Variants in ARHGAP15 observed in about 807,000 individuals in gnomAD.
The protein encoded by ARHGAP15 is Rho GTPase activating protein 15.
In ARHGAP15, 51 loss-of-function variants were observed where a neutral mutation model predicts 63.7. That is an observed-to-expected ratio of 0.80 (90% CI 0.64 to 1.01). The LOEUF is 1.01. Among genes scored for constraint, ARHGAP15 ranks in the 50% least tolerant of loss-of-function variants. The probability of loss-of-function intolerance (pLI) is 0.00; values close to 1 mark genes in which losing one functional copy is unlikely to be tolerated. For missense variants in ARHGAP15, 560 were observed against 564.6 expected (o/e 0.99, Z 0.08); for synonymous variants, 191 against 193.8 (o/e 0.99, Z 0.12).
chr2:143,752,147 TG>T (rs954481802), intron 13 of ARHGAP15, among the ~76,000 whole-genome samples: 33 of 152,158 alleles, frequency 2.2e-4, no homozygotes, highest in African/African-American at 7.5e-4. Context: ...TGCATCTACC[TG>T]GCTTCTAGTA....
chr2:143,457,417 G>A (rs1690712220), intron 8 of ARHGAP15, among the ~76,000 whole-genome samples: 1 of 151,926 alleles, frequency 6.6e-6, no homozygotes, highest in African/African-American at 2.4e-5. Context: ...ATGGTAGCAT[G>A]CACCTGTAGT....
chr2:143,246,555 A>C (rs1302715821), intron 5 of ARHGAP15, among the ~76,000 whole-genome samples: 1 of 151,988 alleles, frequency 6.6e-6, no homozygotes, highest in African/African-American at 2.4e-5. Flanking sequence ...GAAGGTAGAC[A>C]TTATTTGTAA....
chr2:143,545,086 T>A (rs1305330368), intron 10 of ARHGAP15, among the ~76,000 whole-genome samples: 2 of 152,210 alleles, frequency 1.3e-5, no homozygotes, highest in African/African-American at 4.8e-5. Flanking sequence ...GTGATCTAAA[T>A]AGGACTTTGC....
chr2:143,264,111 A>G (rs1010641297), intron 6 of ARHGAP15, among the ~76,000 whole-genome samples: 3 of 151,670 alleles, frequency 2.0e-5, no homozygotes, highest in Admixed American at 6.6e-5. Flanking sequence ...CCATCTGTTC[A>G]TGGAACTTTC....
At chr2:143,612,808 TG>T (rs1473595097) in intron 11 of ARHGAP15, among the ~76,000 whole-genome samples, 1 of 152,228 alleles carries the variant, frequency 6.6e-6, no homozygotes, top group Non-Finnish European at 1.5e-5. Context: ...ACAAGTTCCT[TG>T]ATCTCTGGAG....
chr2:143,440,509 G>A lies in ARHGAP15; in HGVS notation c.703+3467G>A, dbSNP rs566869676. Among the ~76,000 whole-genome samples, 16 of 152,240 alleles carry A rather than the reference G, an allele frequency of 1.1e-4. No homozygotes were observed. The East Asian group carries it at 2.7e-3, about 26-fold the overall frequency. ...GCCGCCAAGATTGTAGACAGATAAA[G>A]CCAGAATTACTTTTTTAAAAGGCAT... is the stretch of plus-strand genomic sequence containing the variant. On this transcript the variant is annotated intron_variant, in intron 8 of 13. Coordinates refer to ENST00000295095, the MANE Select transcript of ARHGAP15 (RefSeq NM_018460.4).
chr2:143,627,020 T>C (rs1698861308), intron 12 of ARHGAP15, among the ~76,000 whole-genome samples: 1 of 152,166 alleles, frequency 6.6e-6, no homozygotes, highest in African/African-American at 2.4e-5. Context: ...CTGTATCTTC[T>C]TCCACCATGT....
chr2:143,351,292 A>G (rs1685559772), intron 6 of ARHGAP15: 1 of 152,198 alleles, frequency 6.6e-6, no homozygotes, highest in Non-Finnish European at 1.5e-5. Flanking sequence ...AAGGTTCATC[A>G]TGATTGATAT....
intron 12 of ARHGAP15, chr2:143,641,187 G>A (rs1483146366): frequency 6.6e-6 from 1 of 152,098 alleles, no homozygotes; most frequent in Non-Finnish European, 1.5e-5. Flanking sequence ...ATTTCCCAAT[G>A]CGAAGCAGCA....
intron 6 of ARHGAP15, among the ~76,000 whole-genome samples, chr2:143,308,300 A>G (rs1360874157): frequency 6.6e-6 from 1 of 152,124 alleles, no homozygotes; most frequent in East Asian, 1.9e-4. Flanking sequence ...CTTATGCATT[A>G]AGAGAACCAT....
At chr2:143,606,609 T>C (rs1698042930) in intron 11 of ARHGAP15, 1 of 152,210 alleles carries the variant, frequency 6.6e-6, no homozygotes. Context: ...CCACTGTATA[T>C]AGACAACTCC....
rs192083216 is a variant in ARHGAP15 at position 143,252,997 on chromosome 2, T to A, written c.474+2397T>A. 4.6e-5 allele frequency among the ~76,000 whole-genome samples: 7 copies of A among 152,166 alleles called. No individual in the cohort carries two copies. In the East Asian group the frequency reaches 1.4e-3, roughly 29 times the overall value. On this transcript the variant is annotated intron_variant, in intron 6 of 13. Transcript: ENST00000295095. ...TTTCATTACCTGCAGAATAATGAAG[T>A]GTTTCTTCCTGACTGAAAAAGACCA... is the stretch of plus-strand genomic sequence containing the variant.
intron 5 of ARHGAP15, 108 bp from the exon 6 acceptor site, chr2:143,250,390 AAAACAAAAAAGGC>A (rs1558841575): frequency 1.3e-4 from 82 of 643,708 alleles, no homozygotes; most frequent in Non-Finnish European, 1.8e-4. Context: ...TCCCCTGGGG[AAAACAAAAAAGGC>A]ATTATATCAT....
intron 9 of ARHGAP15, among the ~76,000 whole-genome samples, chr2:143,503,930 A>G (rs1407552246): frequency 6.6e-6 from 1 of 152,228 alleles, no homozygotes; most frequent in Admixed American, 6.5e-5. Context: ...CACAAAAACA[A>G]CGGTGTAATA....
intron 10 of ARHGAP15, among the ~76,000 whole-genome samples, chr2:143,548,003 A>G (rs973809615): frequency 7.9e-5 from 12 of 152,216 alleles, no homozygotes; most frequent in African/African-American, 2.9e-4. Flanking sequence ...AAACCAAACC[A>G]GTAACACACT....
intron 2 of ARHGAP15, among the ~76,000 whole-genome samples, chr2:143,165,944 A>AAGAAAGAG (rs1337163027): frequency 4.4e-4 from 52 of 118,082 alleles, no homozygotes; most frequent in South Asian, 5.6e-4. Context: ...AAAAGAAAAG[A>AAGAAAGAG]AGAAAGAAAG....
intron 13 of ARHGAP15, among the ~76,000 whole-genome samples, chr2:143,767,282 T>C (rs1250441983): frequency 2.0e-5 from 3 of 152,162 alleles, no homozygotes; most frequent in African/African-American, 7.2e-5. Context: ...GTCATTACCA[T>C]TAATAAAACC....
At chr2:143,480,003 T>C (rs1448717945) in intron 8 of ARHGAP15, among the ~76,000 whole-genome samples, 5 of 152,126 alleles carry the variant, frequency 3.3e-5, no homozygotes, top group African/African-American at 1.2e-4. Flanking sequence ...CAATCATCAT[T>C]ATTACCATTA....
chr2:143,705,397 G>GCTCTAT (rs1282266281), intron 13 of ARHGAP15, among the ~76,000 whole-genome samples: 1 of 152,074 alleles, frequency 6.6e-6, no homozygotes, highest in African/African-American at 2.4e-5. Context: ...TCAAATCCTT[G>GCTCTAT]CTCTATGCTT....
Sources: allele counts gnomAD v4.1 joint callset (sites outside exome capture counted in the v4.1 genomes callset), GRCh38; gene constraint gnomAD v4.1.1; transcripts MANE v1.5; gene names NCBI Gene and HGNC (gene_info 2026-07-23, HGNC 2026-07-21).